The following OSBPL8 variants were observed in gnomAD, a reference collection of about 807,000 sequenced individuals.
The protein encoded by OSBPL8 is oxysterol-binding protein-related protein 8.
OSBPL8 carries 59 observed loss-of-function variants against 125.5 expected under a neutral mutation model. That is an observed-to-expected ratio of 0.47 (90% CI 0.38 to 0.58). OSBPL8 has a LOEUF of 0.58. Ranked by LOEUF, OSBPL8 falls within the 20% of genes least tolerant of loss-of-function variation. The probability of loss-of-function intolerance (pLI) is 0.00; values close to 1 mark genes in which losing one functional copy is unlikely to be tolerated. For synonymous variants in OSBPL8, 330 were observed against 338.9 expected (o/e 0.97, Z 0.29); for missense variants, 758 against 1,047.8 (o/e 0.72, Z 3.82).
chr12:76,400,055 GT>G, intron 6 of OSBPL8, 81 bp from the exon 7 acceptor site: 2 of 1,034,688 alleles, frequency 1.9e-6, no homozygotes, highest in Non-Finnish European at 2.8e-6. Context: ...ACAAATGCAG[GT>G]TTGTTATATA....
At chr12:76,483,159 C>T (rs1877722113) in intron 2 of OSBPL8, among the ~76,000 whole-genome samples, 1 of 152,006 alleles carries the variant, frequency 6.6e-6, no homozygotes, top group African/African-American at 2.4e-5. Context: ...ACTCAGGAGG[C>T]TGAGACAGGA....
chr12:76,412,767 T>G (rs550339042), intron 4 of OSBPL8, among the ~76,000 whole-genome samples: 4 of 152,220 alleles, frequency 2.6e-5, no homozygotes, highest in Non-Finnish European at 4.4e-5. Flanking sequence ...AGAAATTATG[T>G]TGACCAACAT....
intron 1 of OSBPL8, among the ~76,000 whole-genome samples, chr12:76,515,639 T>C (rs572368123): frequency 2.6e-5 from 4 of 152,258 alleles, no homozygotes; most frequent in East Asian, 3.9e-4. Flanking sequence ...GGCTGCCCAC[T>C]GCAGTTCTGG....
chr12:76,551,821 GCTTATA>G (rs1434933138), intron 1 of OSBPL8, among the ~76,000 whole-genome samples: 1 of 152,100 alleles, frequency 6.6e-6, no homozygotes, highest in Non-Finnish European at 1.5e-5. Context: ...CCAGTCCCTG[GCTTATA>G]CTTAAGGCAA....
rs77634117 is a variant in OSBPL8 at position 76,460,511 on chromosome 12, A to G, written c.43-616T>C. On this transcript the variant is annotated intron_variant, in intron 2 of 23. Transcript: ENST00000261183. ...CTCAATTGGCAAAAAAAAAAAAAAA[A>G]AGAGAAACATTAATTAGAAAGAAGT... Among the ~76,000 whole-genome samples, 920 of 151,926 alleles carry G rather than the reference A, an allele frequency of 6.1e-3. 5 individuals carry two copies. Among genetic ancestry groups the G allele is most frequent in the African/African-American group, 0.019 (808 of 41,444 alleles).
At chr12:76,380,425 G>A (rs1156469339) in intron 15 of OSBPL8, among the ~76,000 whole-genome samples, 2 of 150,434 alleles carry the variant, frequency 1.3e-5, no homozygotes, top group Non-Finnish European at 2.9e-5. Context: ...TCTGAGCCAG[G>A]CATGGTGATG....
At chr12:76,458,178 G>A (rs1433195273) in intron 3 of OSBPL8, among the ~76,000 whole-genome samples, 4 of 152,092 alleles carry the variant, frequency 2.6e-5, no homozygotes, top group South Asian at 2.1e-4. Flanking sequence ...AGGCTGAGGT[G>A]GGAAGATCGC....
intron 7 of OSBPL8, among the ~76,000 whole-genome samples, chr12:76,399,093 C>T (rs1592604957): frequency 6.6e-6 from 1 of 152,088 alleles, no homozygotes. Context: ...AGCACAAGAT[C>T]GAAAACCCTA....
At chr12:76,448,593 C>A (rs1012676510) in intron 4 of OSBPL8, among the ~76,000 whole-genome samples, 1 of 152,170 alleles carries the variant, frequency 6.6e-6, no homozygotes, top group Non-Finnish European at 1.5e-5. Context: ...TTCAAAAATA[C>A]AATCGACAAC....
At chr12:76,386,382 A>G (rs1173076442) in intron 13 of OSBPL8, 116 bp from the exon 14 acceptor site, 16 of 1,375,892 alleles carry the variant, frequency 1.2e-5, no homozygotes, top group Admixed American at 9.2e-5. Flanking sequence ...ATAAAATTTC[A>G]AAGTAAATAA....
At position 76,390,576 on chromosome 12, in the gene OSBPL8, T is replaced by G; in HGVS notation, c.1011A>C (p.Gln337His). 6.2e-7 allele frequency: 1 copy of G among 1,613,902 alleles called. No homozygotes were observed. The highest frequency in any genetic ancestry group is 8.5e-7 in the Non-Finnish European group (1 of 1,179,878). Residue 337 changes from glutamine to histidine, a missense_variant, in exon 11 of 24, where the codon CAA (glutamine) becomes CAC (histidine). Physicochemically the swap from Gln to His is conservative, Grantham distance 24 (BLOSUM62 0). Coordinates refer to ENST00000261183, the MANE Select transcript of OSBPL8 (RefSeq NM_020841.5). ...CCTCATTATCAGACTCATCATGTTCTTGATCATTTTCTTTATCAGATTTAT... is the reference window on the plus strand; with the variant it reads ...CCTCATTATCAGACTCATCATGTTCGTGATCATTTTCTTTATCAGATTTAT... ...YSDKSDKEND[Q>H]EHDESDNEVM... is the part of the protein sequence containing the mutation.
chr12:76,406,440 A>AC (rs1050660449), intron 5 of OSBPL8, among the ~76,000 whole-genome samples: 13 of 152,242 alleles, frequency 8.5e-5, no homozygotes, highest in Non-Finnish European at 1.3e-4. Flanking sequence ...TATCCTTTTA[A>AC]CAGAATTCCT....
chr12:76,454,034 A>G (rs931809124), intron 3 of OSBPL8, among the ~76,000 whole-genome samples: 1 of 152,212 alleles, frequency 6.6e-6, no homozygotes, highest in Non-Finnish European at 1.5e-5. Context: ...TTAATGTCTG[A>G]TAATACCAAA....
At chr12:76,525,140 G>A (rs1215556072) in intron 1 of OSBPL8, among the ~76,000 whole-genome samples, 2 of 152,152 alleles carry the variant, frequency 1.3e-5, no homozygotes, top group African/African-American at 2.4e-5. Flanking sequence ...ACTAACCACT[G>A]AGGTGTATAG....
At chr12:76,423,631 T>C (rs1869782389) in intron 4 of OSBPL8, among the ~76,000 whole-genome samples, 1 of 152,200 alleles carries the variant, frequency 6.6e-6, no homozygotes, top group Non-Finnish European at 1.5e-5. Context: ...TACCATCTGT[T>C]TATACCTAAT....
At chr12:76,449,669 T>C (rs114403566) in intron 4 of OSBPL8, among the ~76,000 whole-genome samples, 2 of 152,180 alleles carry the variant, frequency 1.3e-5, no homozygotes, top group African/African-American at 4.8e-5. Flanking sequence ...TAATATTCTG[T>C]GCAACAGAAT....
intron 1 of OSBPL8, among the ~76,000 whole-genome samples, chr12:76,541,854 T>A (rs1441082040): frequency 6.6e-6 from 1 of 150,652 alleles, no homozygotes. Context: ...AGACTCTGTC[T>A]CAAAAAATAA....
At chr12:76,394,623 A>G in intron 9 of OSBPL8, 22 bp downstream of exon 9, 1 of 1,584,544 alleles carries the variant, frequency 6.3e-7, no homozygotes, top group Non-Finnish European at 8.6e-7. Flanking sequence ...CCAAAATCCA[A>G]TCCATCAAAA....
At chr12:76,398,862 C>A (rs1161848151) in intron 7 of OSBPL8, among the ~76,000 whole-genome samples, 1 of 151,860 alleles carries the variant, frequency 6.6e-6, no homozygotes, top group Non-Finnish European at 1.5e-5. Context: ...ACAAGAGAGG[C>A]GAAAGGGAGA....
Sources: gnomAD v4.1 joint callset for allele counts (sites outside exome capture counted in the v4.1 genomes callset) on GRCh38, gnomAD v4.1.1 for gene constraint, MANE v1.5 for transcripts, NCBI Gene and HGNC (gene_info 2026-07-23, HGNC 2026-07-21) for gene names.